The following HCAR2 variants were observed in gnomAD, a reference collection of about 807,000 sequenced individuals.
HCAR2 encodes hydroxycarboxylic acid receptor 2.
For missense variants in HCAR2, 346 were observed against 476.6 expected, an observed-to-expected ratio of 0.73 and a Z score of 2.55; for synonymous variants, 156 against 189.4, an observed-to-expected ratio of 0.82 and a Z score of 1.45.
chr12:122,702,698 C>A lies in HCAR2; in HGVS notation c.586G>T (p.Glu196Ter). The A allele has an allele frequency of 6.2e-7, 1 of 1,614,006 alleles. No individual in the cohort carries two copies. Among genetic ancestry groups the A allele is most frequent in the Non-Finnish European group, 8.5e-7 (1 of 1,179,886 alleles). Residue 196 changes from glutamate (E) to a stop codon, truncating the protein, a stop_gained, in exon 1 of 1, where the codon GAG becomes TAG. Coordinates refer to ENST00000328880, the MANE Select transcript of HCAR2 (RefSeq NM_177551.4). LOFTEE classifies it low-confidence loss of function (END_TRUNC). ...ATGATGCCCAGGGGCAGGAAGAACT[C>A]CAGGAGGAACATGGCTTCGTGCCAC... Reference protein sequence around the residue: ...FQWHEAMFLLEFFLPLGIILF... With the variant: ...FQWHEAMFLL
chr12:122,702,983 G>C lies in HCAR2; in HGVS notation c.301C>G (p.Arg101Gly). ...ATAGCCAACATGAAGAGCATCAGCC[G>C]GCAAGGGATGTCCCCAAACTTCCAG... Reference protein sequence around the residue: ...WDWKFGDIPCRLMLFMLAMNR... With the variant: ...WDWKFGDIPCGLMLFMLAMNR... The change falls in exon 1 of 1, where the codon CGG becomes GGG. Residue 101 changes from arginine (R) to glycine (G), a missense_variant. By Grantham distance (125) the Arg-to-Gly change is moderately radical. Transcript: ENST00000328880. 6.2e-7 allele frequency: 1 copy of C among 1,613,994 alleles called. No homozygotes were observed. The highest frequency in any genetic ancestry group is 8.5e-7 in the Non-Finnish European group (1 of 1,180,012).
chr12:122,702,334 A>G lies in HCAR2; in HGVS notation c.950T>C (p.Met317Thr), dbSNP rs750508260. 1 of 1,614,064 alleles carries G rather than the reference A, an allele frequency of 6.2e-7. No individual in the cohort carries two copies. Among genetic ancestry groups the G allele is most frequent in the African/African-American group, 1.3e-5 (1 of 74,942 alleles). Residue 317 changes from methionine to threonine, a missense_variant, in exon 1 of 1, where the codon ATG (methionine) becomes ACG (threonine). Met to Thr is a moderately conservative substitution (Grantham distance 81). Coordinates refer to ENST00000328880, the MANE Select transcript of HCAR2 (RefSeq NM_177551.4). Reference protein sequence around the residue: ...TLINRCLQRKMTGEPDNNRST... With the variant: ...TLINRCLQRKTTGEPDNNRST... Reference sequence around the variant, plus strand: ...GCGGTTATTATCTGGCTCACCTGTCATCTTCCTCTGGAGGCAGCGGTTGAT... The same window carrying G: ...GCGGTTATTATCTGGCTCACCTGTCGTCTTCCTCTGGAGGCAGCGGTTGAT...
rs200247476 is a variant in HCAR2, at chr12:122,702,222, G to A, written c.1062C>T (p.Ser354=). 68 of 1,614,082 alleles carry A rather than the reference G, an allele frequency of 4.2e-5. No homozygotes were observed. Among genetic ancestry groups the A allele is most frequent in the Non-Finnish European group, 5.5e-5 (65 of 1,180,034 alleles). ...GAGAGGTTGGGCCCAGATAAGAGGG[G>A]CTCCATGGCTCACCGGAGTTGGCCA... The part of the protein sequence containing the change: ...ALMANSGEPW[S]PSYLGPTSP Residue 354 remains serine (S), a synonymous_variant, in exon 1 of 1, where the codon AGC becomes AGT. Coordinates refer to ENST00000328880, the MANE Select transcript of HCAR2 (RefSeq NM_177551.4).
In HCAR2 at chr12:122,702,732, A is replaced by G. The variant is rs1323011630; in HGVS notation, c.552T>C (p.His184=). 1 of 1,614,180 alleles carries G rather than the reference A, an allele frequency of 6.2e-7. No homozygotes were observed. Among genetic ancestry groups the G allele is most frequent in the Non-Finnish European group, 8.5e-7 (1 of 1,180,032 alleles). The part of the protein sequence containing the change: ...ANLCSSFSIC[H]TFQWHEAMFL... ...ACATGGCTTCGTGCCACTGGAAGGT[A>G]TGGCAGATGCTGAAGCTGCTGCACA... Residue 184 remains histidine, a synonymous_variant, in exon 1 of 1, where the codon CAT becomes CAC. Coordinates refer to ENST00000328880, the MANE Select transcript of HCAR2 (RefSeq NM_177551.4).
At position 122,703,331 on chromosome 12, in the gene HCAR2, C is replaced by G; in HGVS notation, c.-48G>C. 1.3e-6 allele frequency: 2 copies of G among 1,597,850 alleles called. No homozygotes were observed. The highest frequency in any genetic ancestry group is 1.7e-6 in the Non-Finnish European group (2 of 1,170,302). On this transcript the variant is annotated 5_prime_UTR_variant, in exon 1 of 1. Coordinates refer to ENST00000328880, the MANE Select transcript of HCAR2 (RefSeq NM_177551.4). ...GGAGCGCCTCGCCTAGTGAATGCTC[C>G]AGCAAGGAGGTGTGTGTCTGTGTGG...
Position 122,703,289 on chromosome 12 carries a change from CG to C in HCAR2, c.-7del, listed in dbSNP as rs1877141255. 1 of 1,612,448 alleles carries C rather than the reference CG, an allele frequency of 6.2e-7. No homozygotes were observed. Among genetic ancestry groups the C allele is most frequent in the East Asian group, 2.2e-5 (1 of 44,860 alleles). ...TGCAGATGGTGCCGATTCATGAGTGCGGCTAGTGAGTCCGATGGAGCGCCTC... is the reference window on the plus strand; with the variant it reads ...TGCAGATGGTGCCGATTCATGAGTGCGCTAGTGAGTCCGATGGAGCGCCTC... On this transcript the variant is annotated 5_prime_UTR_variant, in exon 1 of 1. Coordinates refer to ENST00000328880, the MANE Select transcript of HCAR2 (RefSeq NM_177551.4).
Position 122,702,531 on chromosome 12 carries a change from C to A in HCAR2, c.753G>T (p.Arg251=). Residue 251 remains arginine, a synonymous_variant, in exon 1 of 1, where the codon CGG becomes CGT. Coordinates refer to ENST00000328880, the MANE Select transcript of HCAR2 (RefSeq NM_177551.4). ...VICFLPSVVV[R]IRIFWLLHTS... ...TGTGCAGGAGCCAGAAGATGCGGAT[C>A]CGCACAACCACGCTGGGAAGGAAGC... 1.2e-6 allele frequency: 2 copies of A among 1,614,174 alleles called. No homozygotes were observed. The highest frequency in any genetic ancestry group is 2.2e-5 in the South Asian group (2 of 91,072).
rs772202706 is a variant in HCAR2 at position 122,703,301 on chromosome 12, C to T, written c.-18G>A. On this transcript the variant is annotated 5_prime_UTR_variant, in exon 1 of 1. Transcript: ENST00000328880. ...CGATTCATGAGTGCGGCTAGTGAGT[C>T]CGATGGAGCGCCTCGCCTAGTGAAT... 1 of 1,610,460 alleles carries T rather than the reference C, an allele frequency of 6.2e-7. No homozygotes were observed. The highest frequency in any genetic ancestry group is 1.3e-5 in the African/African-American group (1 of 74,838).
chr12:122,703,345 G>C lies in HCAR2; in HGVS notation c.-62C>G. The C allele has an allele frequency of 3.8e-6, 6 of 1,579,122 alleles. No homozygotes were observed. Among genetic ancestry groups the C allele is most frequent in the Non-Finnish European group, 5.2e-6 (6 of 1,159,880 alleles). On this transcript the variant is annotated 5_prime_UTR_variant, in exon 1 of 1. Transcript: ENST00000328880. Reference sequence around the variant, plus strand: ...AGTGAATGCTCCAGCAAGGAGGTGTGTGTCTGTGTGGTGAACGTGTGGTTC... The same window carrying C: ...AGTGAATGCTCCAGCAAGGAGGTGTCTGTCTGTGTGGTGAACGTGTGGTTC...
In HCAR2 at chr12:122,702,806, C is replaced by T. The variant is rs142060832; in HGVS notation, c.478G>A (p.Val160Ile). ...LLWGITIGLT[V>I]HLLKKKMPIQ... ...GGCATCTTCTTCTTCAGGAGGTGGA[C>T]TGTCAGGCCAATAGTGATGCCCCAC... The change falls in exon 1 of 1, where the codon GTC becomes ATC. Residue 160 changes from valine (V) to isoleucine (I), a missense_variant. Coordinates refer to ENST00000328880, the MANE Select transcript of HCAR2 (RefSeq NM_177551.4). 5.0e-5 allele frequency: 81 copies of T among 1,614,174 alleles called. No individual in the cohort carries two copies. In the African/African-American group the frequency reaches 1.0e-3, roughly 20 times the overall value.
chr12:122,703,321 G>A lies in HCAR2; in HGVS notation c.-38C>T, dbSNP rs1393094752. On this transcript the variant is annotated 5_prime_UTR_variant, in exon 1 of 1. Transcript: ENST00000328880. ...TGAGTCCGATGGAGCGCCTCGCCTA[G>A]TGAATGCTCCAGCAAGGAGGTGTGT... 6.2e-7 allele frequency: 1 copy of A among 1,604,058 alleles called. No individual in the cohort carries two copies. Among genetic ancestry groups the A allele is most frequent in the African/African-American group, 1.3e-5 (1 of 74,826 alleles).
rs1312257602 is a variant in HCAR2 at position 122,701,870 on chromosome 12, G to A, written c.*322C>T. 7 of 484,964 alleles carry A rather than the reference G, an allele frequency of 1.4e-5. No homozygotes were observed. Among genetic ancestry groups the A allele is most frequent in the Non-Finnish European group, 2.6e-5 (7 of 269,756 alleles). The allele number at this position is 484,964 out of a possible 1,614,324, so 30.0% of individuals were successfully genotyped here. ...GCAGATGTGGGAAGAAGGCCAACAA[G>A]TCACAAGTAGATCTCTGGCTCCAAC... On this transcript the variant is annotated 3_prime_UTR_variant, in exon 1 of 1. Transcript: ENST00000328880.
chr12:122,701,833 C>G lies in HCAR2; in HGVS notation c.*359G>C, dbSNP rs1364524234. 4 of 412,002 alleles carry G rather than the reference C, an allele frequency of 9.7e-6. No homozygotes were observed. Among genetic ancestry groups the G allele is most frequent in the East Asian group, 4.7e-5 (1 of 21,126 alleles). 25.5% of individuals were successfully genotyped at this position (412,002 alleles called of 1,614,324 possible). On this transcript the variant is annotated 3_prime_UTR_variant, in exon 1 of 1. Coordinates refer to ENST00000328880, the MANE Select transcript of HCAR2 (RefSeq NM_177551.4). The stretch of plus-strand genomic sequence containing the variant: ...GATATCACCCCAGGAGCTGAGCCCC[C>G]TCCAGTCTGAGGCAGATGTGGGAAG...
rs1566045322 is a variant in HCAR2, at chr12:122,703,051, A to G, written c.233T>C (p.Ile78Thr). The change falls in exon 1 of 1, where the codon ATC (isoleucine) becomes ACC (threonine). Residue 78 changes from isoleucine to threonine, a missense_variant. Coordinates refer to ENST00000328880, the MANE Select transcript of HCAR2 (RefSeq NM_177551.4). The stretch of plus-strand genomic sequence containing the variant: ...GTTGTCCATCAGGAAGGGCAGGCAG[A>G]TGATCAGTAGAAAGTCAGCCACTGC... ...NLAVADFLLI[I>T]CLPFLMDNYV... is the part of the protein sequence containing the mutation. 6.2e-7 allele frequency: 1 copy of G among 1,614,192 alleles called. No homozygotes were observed. Among genetic ancestry groups the G allele is most frequent in the Middle Eastern group, 1.6e-4 (1 of 6,062 alleles).
rs1877062996 is a variant in HCAR2, at chr12:122,701,361, G to C, written c.*831C>G. The C allele has an allele frequency of 6.6e-6, 1 of 151,616 alleles. No homozygotes were observed. Among genetic ancestry groups the C allele is most frequent in the African/African-American group, 2.4e-5 (1 of 40,904 alleles). The allele number at this position is 151,616 out of a possible 1,614,324, so 9.4% of individuals were successfully genotyped here. A position where few individuals can be genotyped will look rare whatever the true frequency, so the allele number is the denominator to read the frequency against. On this transcript the variant is annotated 3_prime_UTR_variant, in exon 1 of 1. Transcript: ENST00000328880. ...TACAGAAACACAAGCGAAGGAACCA[G>C]GAGGAACGTGCACCCCTCTAACTGT...
rs374385013 is a variant in HCAR2, at chr12:122,701,303, C to A, written c.*889G>T. The A allele has an allele frequency of 3.9e-5, 6 of 151,998 alleles. No homozygotes were observed. The highest frequency in any genetic ancestry group is 1.5e-4 in the African/African-American group (6 of 41,350). 9.4% of individuals were successfully genotyped at this position (151,998 alleles called of 1,614,324 possible). On this transcript the variant is annotated 3_prime_UTR_variant, in exon 1 of 1. Transcript: ENST00000328880. ...ATAGCAACGCCAGACTGTCTCCTAT[C>A]AAAATTTATTGAAATGGTAGATTTT... is the stretch of plus-strand genomic sequence containing the variant.
In HCAR2 at chr12:122,702,777, G is replaced by A; in HGVS notation, c.507C>T (p.Ile169=). The change falls in exon 1 of 1, where the codon ATC becomes ATT. Residue 169 remains isoleucine, a synonymous_variant. Transcript: ENST00000328880. Reference sequence around the variant, plus strand: ...TGCACAAATTTGCACCGCCATTCTGGATCGGCATCTTCTTCTTCAGGAGGT... The same window carrying A: ...TGCACAAATTTGCACCGCCATTCTGAATCGGCATCTTCTTCTTCAGGAGGT... ...TVHLLKKKMP[I]QNGGANLCSS... 6.2e-7 allele frequency: 1 copy of A among 1,614,198 alleles called. No homozygotes were observed. Among genetic ancestry groups the A allele is most frequent in the African/African-American group, 1.3e-5 (1 of 75,044 alleles).
chr12:122,703,035 C>T lies in HCAR2; in HGVS notation c.249G>A (p.Leu83=), dbSNP rs776282008. The change falls in exon 1 of 1, where the codon CTG becomes CTA. Residue 83 remains leucine, a synonymous_variant. Transcript: ENST00000328880. ...DFLLIICLPF[L]MDNYVRRWDW... ...CCCAACGCCTCACATAGTTGTCCAT[C>T]AGGAAGGGCAGGCAGATGATCAGTA... The T allele has an allele frequency of 6.2e-7, 1 of 1,614,084 alleles. No individual in the cohort carries two copies. The highest frequency in any genetic ancestry group is 8.5e-7 in the Non-Finnish European group (1 of 1,180,020).
chr12:122,703,200 C>G lies in HCAR2; in HGVS notation c.84G>C (p.Lys28Asn). 5 of 1,614,148 alleles carry G rather than the reference C, an allele frequency of 3.1e-6. No individual in the cohort carries two copies. Among genetic ancestry groups the G allele is most frequent in the Non-Finnish European group, 4.2e-6 (5 of 1,180,030 alleles). Residue 28 changes from lysine (K) to asparagine (N), a missense_variant, in exon 1 of 1, where the codon AAG becomes AAC. Lys to Asn is a moderately conservative substitution (Grantham distance 94). Coordinates refer to ENST00000328880, the MANE Select transcript of HCAR2 (RefSeq NM_177551.4). ...CCAGCCCCAACACCGGCGGCAACAC[C>G]TTGACAATGAAGTCATCTCGGAACA... The part of the protein sequence containing the change: ...CCVFRDDFIV[K>N]VLPPVLGLEF...
Sources: gnomAD v4.1 joint callset for allele counts on GRCh38, gnomAD v4.1.1 for gene constraint, MANE v1.5 for transcripts, NCBI Gene and HGNC (gene_info 2026-07-23, HGNC 2026-07-21) for gene names.